The following APBB1IP variants were observed in gnomAD, a reference collection of about 807,000 sequenced individuals.
The protein encoded by APBB1IP is amyloid beta A4 precursor protein-binding family B member 1-interacting protein.
A neutral mutation model predicts 64.9 loss-of-function variants in APBB1IP; 27 were observed. The observed-to-expected ratio is 0.42, with a 90% CI of 0.31 to 0.57. The LOEUF (loss-of-function observed/expected upper bound fraction) is 0.57, where lower values mean the gene tolerates loss of function less well. Among genes scored for constraint, APBB1IP ranks in the 20% least tolerant of loss-of-function variants. The pLI is 0.20. For missense variants in APBB1IP, 812 were observed against 845.5 expected, an observed-to-expected ratio of 0.96 and a Z score of 0.49; for synonymous variants, 392 against 331.0, an observed-to-expected ratio of 1.18 and a Z score of -2.00.
chr10:26,517,765 C>A (rs868543635), intron 8 of APBB1IP, among the ~76,000 whole-genome samples: 4 of 152,188 alleles, frequency 2.6e-5, no homozygotes, highest in African/African-American at 9.7e-5. Context: ...ATACCAAAAC[C>A]TATTTATCCA....
At chr10:26,560,665 G>A in intron 12 of APBB1IP, 65 bp from the exon 13 acceptor site, 3 of 1,124,724 alleles carry the variant, frequency 2.7e-6, no homozygotes, top group South Asian at 1.6e-5. Flanking sequence ...TATGTATATT[G>A]CAATTGAGTG....
At chr10:26,453,672 A>T (rs1215992881) in intron 2 of APBB1IP, among the ~76,000 whole-genome samples, 4 of 152,158 alleles carry the variant, frequency 2.6e-5, no homozygotes, top group Non-Finnish European at 1.5e-5. Flanking sequence ...GCCCTCCTGA[A>T]AAAGGCCTCA....
chr10:26,537,760 G>A (rs749040502), intron 10 of APBB1IP, among the ~76,000 whole-genome samples: 12 of 151,444 alleles, frequency 7.9e-5, no homozygotes, highest in Non-Finnish European at 1.5e-4. Context: ...ATGGTGAAAC[G>A]CTACCTCTAC....
chr10:26,489,655 T>A (rs1835932200), intron 2 of APBB1IP, among the ~76,000 whole-genome samples: 1 of 152,108 alleles, frequency 6.6e-6, no homozygotes, highest in Non-Finnish European at 1.5e-5. Flanking sequence ...TGCAAAAGAG[T>A]TAGTGCCAGA....
chr10:26,454,556 G>A (rs1374268278), intron 2 of APBB1IP, among the ~76,000 whole-genome samples: 2 of 125,784 alleles, frequency 1.6e-5, no homozygotes, highest in African/African-American at 6.2e-5. Flanking sequence ...TAGAAGGATG[G>A]TTACCGAGGC....
intron 6 of APBB1IP, 60 bp downstream of exon 6, chr10:26,503,334 A>G (rs185979410): frequency 6.4e-7 from 1 of 1,567,848 alleles, no homozygotes; most frequent in African/African-American, 1.4e-5. Flanking sequence ...GATTATGCTT[A>G]ATGATAAAAA....
intron 9 of APBB1IP, among the ~76,000 whole-genome samples, chr10:26,534,194 C>T (rs1191102019): frequency 1.3e-5 from 2 of 148,490 alleles, no homozygotes; most frequent in African/African-American, 5.0e-5. Context: ...CGCATGGGGG[C>T]ACACACCTGT....
intron 8 of APBB1IP, among the ~76,000 whole-genome samples, chr10:26,530,244 T>TC (rs1299427724): frequency 1.1e-4 from 17 of 151,232 alleles, no homozygotes; most frequent in African/African-American, 4.1e-4. Flanking sequence ...TTTTTTTTTT[T>TC]TGAGACGAGG....
At chr10:26,552,979 C>T (rs1001793528) in intron 11 of APBB1IP, among the ~76,000 whole-genome samples, 5 of 151,770 alleles carry the variant, frequency 3.3e-5, no homozygotes, top group African/African-American at 9.7e-5. Flanking sequence ...TTCTCTTTAA[C>T]TCAGACTTCC....
chr10:26,512,983 T>C (rs1342224436), intron 7 of APBB1IP, among the ~76,000 whole-genome samples: 1 of 152,248 alleles, frequency 6.6e-6, no homozygotes, highest in African/African-American at 2.4e-5. Context: ...TTTTAGAGTG[T>C]TAAGGAGTGA....
chr10:26,443,368 G>A, intron 2 of APBB1IP, among the ~76,000 whole-genome samples: 1 of 149,496 alleles, frequency 6.7e-6, no homozygotes, highest in Admixed American at 6.7e-5. Flanking sequence ...AGGTTGCAGT[G>A]AGCCAAAATC....
chr10:26,481,269 T>C (rs1422121362), intron 2 of APBB1IP, among the ~76,000 whole-genome samples: 2 of 152,064 alleles, frequency 1.3e-5, no homozygotes, highest in Non-Finnish European at 2.9e-5. Flanking sequence ...CTGGGGAACA[T>C]TTTTGGGTGT....
At chr10:26,469,716 T>C (rs866466112) in intron 2 of APBB1IP, among the ~76,000 whole-genome samples, 22 of 152,250 alleles carry the variant, frequency 1.4e-4, no homozygotes, top group Middle Eastern at 3.4e-3. Context: ...CTGAGCATAG[T>C]CCTGAACATT....
chr10:26,505,170 C>A (rs1032385686), intron 6 of APBB1IP, among the ~76,000 whole-genome samples: 5 of 152,168 alleles, frequency 3.3e-5, no homozygotes, highest in African/African-American at 1.2e-4. Context: ...TTTCTATTCC[C>A]ATGGCACCTA....
At position 26,510,732 on chromosome 10, in the gene APBB1IP, TCTCACACA is replaced by T. The variant is rs1162018402; in HGVS notation, c.532-1013_532-1006del. 8.1e-3 allele frequency among the ~76,000 whole-genome samples: 887 copies of T among 109,362 alleles called. 10 individuals are homozygous for T. Among genetic ancestry groups the T allele is most frequent in the African/African-American group, 0.027 (809 of 30,412 alleles). The allele number at this position is 109,362 out of a possible 152,430, so 71.7% of individuals were successfully genotyped here. A position where few individuals can be genotyped will look rare whatever the true frequency, so the allele number is the denominator to read the frequency against. ...GCCTAGGCAACAGAGCAAGACCCTG[TCTCACACA>T]CACACACACACACACACACACACAC... On this transcript the variant is annotated intron_variant, in intron 6 of 14. Coordinates refer to ENST00000376236, the MANE Select transcript of APBB1IP (RefSeq NM_019043.4).
chr10:26,534,477 C>A (rs1356143311), intron 9 of APBB1IP, among the ~76,000 whole-genome samples: 1 of 152,064 alleles, frequency 6.6e-6, no homozygotes, highest in African/African-American at 2.4e-5. Flanking sequence ...TTTTGGACCT[C>A]CCTTGAAAAA....
chr10:26,529,842 T>G (rs1224325201), intron 8 of APBB1IP, among the ~76,000 whole-genome samples: 2 of 152,158 alleles, frequency 1.3e-5, no homozygotes, highest in African/African-American at 2.4e-5. Context: ...GGTTTTGCCA[T>G]GTTAGCCAGG....
intron 8 of APBB1IP, among the ~76,000 whole-genome samples, chr10:26,524,743 T>C (rs141061695): frequency 1.1e-3 from 164 of 152,174 alleles, no homozygotes; most frequent in African/African-American, 3.8e-3. Flanking sequence ...AAGGAATGCC[T>C]AAGTGAAGAT....
At chr10:26,554,220 T>C (rs183125227) in intron 11 of APBB1IP, among the ~76,000 whole-genome samples, 1 of 152,350 alleles carries the variant, frequency 6.6e-6, no homozygotes, top group Non-Finnish European at 1.5e-5. Flanking sequence ...TTTCTGGAGC[T>C]GCTGTAACAA....
Sources: allele counts gnomAD v4.1 joint callset (sites outside exome capture counted in the v4.1 genomes callset), GRCh38; gene constraint gnomAD v4.1.1; transcripts MANE v1.5; gene names NCBI Gene and HGNC (gene_info 2026-07-23, HGNC 2026-07-21).